FRMD6: variants seen among roughly 807,000 people sequenced by gnomAD.
FRMD6 encodes the protein FERM domain containing 6, also known as FERM domain-containing protein 6.
Under a neutral mutation model 73.2 loss-of-function variants are expected in FRMD6, and 37 were observed. The ratio of observed to expected loss-of-function variants is 0.51; its 90% CI spans 0.39 to 0.66. The LOEUF (loss-of-function observed/expected upper bound fraction) is 0.66, where lower values mean the gene tolerates loss of function less well. FRMD6 is among the 30% of genes least tolerant of loss of function. FRMD6 has a pLI of 0.00. For missense variants in FRMD6, 714 were observed against 780.5 expected, an observed-to-expected ratio of 0.91 and a Z score of 1.02; for synonymous variants, 273 against 282.2, an observed-to-expected ratio of 0.97 and a Z score of 0.33.
rs1216746923 is a variant in FRMD6, at chr14:51,651,923, G to C, written c.-220G>C. 6.6e-6 allele frequency: 1 copy of C among 152,318 alleles called. No homozygotes were observed. The highest frequency in any genetic ancestry group is 2.4e-5 in the African/African-American group (1 of 41,416). The allele number at this position is 152,318 out of a possible 1,614,324, so 9.4% of individuals were successfully genotyped here. Reference sequence around the variant, plus strand: ...CCAAGGGGCTGAGAGGAGTGGGGCAGGCTCGGCGCCGGTAGGAAGAGTCAG... The same window carrying C: ...CCAAGGGGCTGAGAGGAGTGGGGCACGCTCGGCGCCGGTAGGAAGAGTCAG... On this transcript the variant is annotated 5_prime_UTR_variant, in exon 1 of 14. Transcript: ENST00000344768.
At chr14:51,470,277 G>C in the FRMD6 span, among the ~76,000 whole-genome samples, 1 of 152,036 alleles carries the variant, frequency 6.6e-6, no homozygotes, top group East Asian at 1.9e-4. Flanking sequence ...CCAGCACTTC[G>C]GGAGGCCAAG....
intron 2 of FRMD6, among the ~76,000 whole-genome samples, chr14:51,690,973 A>T (rs570651253): frequency 6.6e-6 from 1 of 152,302 alleles, no homozygotes; most frequent in South Asian, 2.1e-4. Context: ...ACTGTTTGAG[A>T]TATAAAACAT....
chr14:51,683,823 T>G (rs1894973549), intron 1 of FRMD6, among the ~76,000 whole-genome samples: 1 of 152,180 alleles, frequency 6.6e-6, no homozygotes, highest in Admixed American at 6.6e-5. Context: ...ATTTAACCCT[T>G]AAATCTATCT....
intron 1 of FRMD6, among the ~76,000 whole-genome samples, chr14:51,526,717 C>G (rs575744387): frequency 1.3e-5 from 2 of 152,364 alleles, no homozygotes; most frequent in South Asian, 4.1e-4. Context: ...CTCCACCACT[C>G]TCATCAGATA....
At chr14:51,644,382 C>T (rs1358081239) in intron 2 of FRMD6, among the ~76,000 whole-genome samples, 1 of 135,286 alleles carries the variant, frequency 7.4e-6, no homozygotes, top group African/African-American at 2.7e-5. Flanking sequence ...CACACACACA[C>T]ACACACTCAC....
intron 1 of FRMD6, among the ~76,000 whole-genome samples, chr14:51,665,900 C>G (rs1269689029): frequency 6.6e-6 from 1 of 152,190 alleles, no homozygotes; most frequent in East Asian, 1.9e-4. Context: ...TGCCTTTCAC[C>G]TTCTGCCATG....
At chr14:51,397,304 C>G in the FRMD6 span, among the ~76,000 whole-genome samples, 8 of 152,330 alleles carry the variant, frequency 5.3e-5, no homozygotes, top group African/African-American at 1.9e-4. Context: ...CTTCACAGGG[C>G]ACAGCTGCAA....
intron 2 of FRMD6, among the ~76,000 whole-genome samples, chr14:51,630,346 T>C (rs1040900139): frequency 6.6e-6 from 1 of 152,060 alleles, no homozygotes; most frequent in Non-Finnish European, 1.5e-5. Context: ...TGTAGGCAAA[T>C]TGCATAATGT....
chr14:51,689,191 T>C (rs1017370431), intron 1 of FRMD6, among the ~76,000 whole-genome samples: 3 of 152,242 alleles, frequency 2.0e-5, no homozygotes, highest in Non-Finnish European at 2.9e-5. Flanking sequence ...CTAGAGATCA[T>C]GGGCTTCCTT....
At chr14:51,716,549 C>G (rs1394008289) in intron 10 of FRMD6, among the ~76,000 whole-genome samples, 1 of 152,078 alleles carries the variant, frequency 6.6e-6, no homozygotes, top group Non-Finnish European at 1.5e-5. Flanking sequence ...AACAAAAGAC[C>G]TTGTAGAGGT....
At chr14:51,542,454 C>T (rs900193971) in intron 1 of FRMD6, among the ~76,000 whole-genome samples, 3 of 152,012 alleles carry the variant, frequency 2.0e-5, no homozygotes, top group East Asian at 1.9e-4. Flanking sequence ...GTATCATAAT[C>T]CAGTGCTTTC....
intron 1 of FRMD6, among the ~76,000 whole-genome samples, chr14:51,672,399 G>A (rs529815883): frequency 6.6e-6 from 1 of 152,250 alleles, no homozygotes; most frequent in South Asian, 2.1e-4. Flanking sequence ...GTTTTGATGG[G>A]AAATCATTAG....
At chr14:51,429,222 G>A in the FRMD6 span, among the ~76,000 whole-genome samples, 1 of 152,162 alleles carries the variant, frequency 6.6e-6, no homozygotes, top group African/African-American at 2.4e-5. Context: ...GACACCACAA[G>A]GAGCAGAAGA....
intron 1 of FRMD6, among the ~76,000 whole-genome samples, chr14:51,688,310 C>T (rs1380821538): frequency 1.3e-5 from 2 of 152,062 alleles, no homozygotes; most frequent in African/African-American, 4.8e-5. Flanking sequence ...GGCTTTTAGC[C>T]ACCTTCCTAA....
chr14:51,505,450 C>T (rs1005270965), intron 1 of FRMD6, among the ~76,000 whole-genome samples: 1 of 152,096 alleles, frequency 6.6e-6, no homozygotes, highest in African/African-American at 2.4e-5. Flanking sequence ...AAGGGGCTCA[C>T]ATGTCAGGGA....
intron 1 of FRMD6, among the ~76,000 whole-genome samples, chr14:51,665,852 T>C: frequency 6.6e-6 from 1 of 152,244 alleles, no homozygotes; most frequent in East Asian, 1.9e-4. Context: ...GGAGTTTCCC[T>C]GCACAAGCCC....
At chr14:51,651,899 C>G (rs1317769114), upstream of FRMD6, 1 of 151,714 alleles carries the variant, frequency 6.6e-6, no homozygotes, top group Admixed American at 6.6e-5. Flanking sequence ...CTGGCGGGGC[C>G]AAGGGGCTGA....
chr14:51,552,536 G>A (rs1333056212), intron 1 of FRMD6, among the ~76,000 whole-genome samples: 2 of 152,198 alleles, frequency 1.3e-5, no homozygotes, highest in African/African-American at 4.8e-5. Context: ...ACTGGAGTGC[G>A]ATGCATGACG....
chr14:51,557,877 A>C (rs1276863773), intron 1 of FRMD6, among the ~76,000 whole-genome samples: 2 of 152,090 alleles, frequency 1.3e-5, no homozygotes, highest in Non-Finnish European at 2.9e-5. Flanking sequence ...TACCTAGGTG[A>C]CAAAATAATT....
Sources: gnomAD v4.1 joint callset for allele counts (sites outside exome capture counted in the v4.1 genomes callset) on GRCh38, gnomAD v4.1.1 for gene constraint, MANE v1.5 for transcripts, NCBI Gene and HGNC (gene_info 2026-07-23, HGNC 2026-07-21) for gene names.